The following CAMTA1 variants were observed in gnomAD, a reference collection of about 807,000 sequenced individuals.
The protein encoded by CAMTA1 is calmodulin-binding transcription activator 1.
In CAMTA1, 27 loss-of-function variants were observed where a neutral mutation model predicts 170.9. The observed-to-expected ratio is 0.16, with a 90% CI of 0.12 to 0.22. CAMTA1 has a LOEUF of 0.22. Ranked by LOEUF, CAMTA1 falls within the 10% of genes least tolerant of loss-of-function variation. The pLI is 1.00. For missense variants in CAMTA1, 1,619 were observed against 2,217.2 expected (o/e 0.73, Z 5.42); for synonymous variants, 833 against 891.5 (o/e 0.93, Z 1.17).
chr1:7,564,115 T>C (rs4391687), intron 6 of CAMTA1, among the ~76,000 whole-genome samples: 40,268 of 152,058 alleles, frequency 0.26, 6,374 homozygotes, highest in East Asian at 0.51. Flanking sequence ...GCTAGGCCCA[T>C]TGGGGCTCTC....
chr1:7,101,627 G>A (rs150378942), intron 4 of CAMTA1, among the ~76,000 whole-genome samples: 1 of 152,294 alleles, frequency 6.6e-6, no homozygotes, highest in East Asian at 1.9e-4. Context: ...TTTGCTTTGC[G>A]TTGTGTGTGT....
chr1:6,990,065 C>T (rs1291040356), intron 3 of CAMTA1, among the ~76,000 whole-genome samples: 2 of 152,188 alleles, frequency 1.3e-5, no homozygotes, highest in African/African-American at 4.8e-5. Context: ...TGGCCAACTT[C>T]ATCTGCAGAC....
Position 6,918,566 on chromosome 1 carries a change from A to T in CAMTA1, c.234+93356A>T, listed in dbSNP as rs1015384486. Among the ~76,000 whole-genome samples, 3 of 152,254 alleles carry T rather than the reference A, an allele frequency of 2.0e-5. No homozygotes were observed. The highest frequency in any genetic ancestry group is 7.2e-5 in the African/African-American group (3 of 41,468). ...ATACTGTGGCTTCAAAACGGTATTT[A>T]TCTGGCATTGGGAAACCATCAACGC... is the stretch of plus-strand genomic sequence containing the variant. On this transcript the variant is annotated intron_variant, in intron 3 of 22. Coordinates refer to ENST00000303635, the MANE Select transcript of CAMTA1 (RefSeq NM_015215.4). This position sits in a 1 kb window ranked among gnomAD's most constrained non-coding sequence, Gnocchi z 4.0.
intron 5 of CAMTA1, among the ~76,000 whole-genome samples, chr1:7,319,908 C>T (rs1290184101): frequency 6.6e-6 from 1 of 151,914 alleles, no homozygotes; most frequent in East Asian, 1.9e-4. Flanking sequence ...TATTCTATGG[C>T]TGCCAATACG....
chr1:7,721,368 A>G (rs1012189644), intron 11 of CAMTA1, among the ~76,000 whole-genome samples: 1 of 152,166 alleles, frequency 6.6e-6, no homozygotes, highest in Admixed American at 6.5e-5. Context: ...GAAGGGGAAA[A>G]TCTTTATTTC....
chr1:7,297,452 C>T (rs935361312), intron 5 of CAMTA1, among the ~76,000 whole-genome samples: 3 of 152,230 alleles, frequency 2.0e-5, no homozygotes, highest in Non-Finnish European at 4.4e-5. Context: ...AGCAAGGGTT[C>T]TCTCGTCTGG....
At chr1:6,916,889 G>A (rs955128461) in intron 3 of CAMTA1, among the ~76,000 whole-genome samples, 26 of 152,338 alleles carry the variant, frequency 1.7e-4, no homozygotes, top group African/African-American at 4.8e-4. Flanking sequence ...TGAGCTTGCC[G>A]TGAGCTTCCA....
intron 5 of CAMTA1, among the ~76,000 whole-genome samples, chr1:7,341,773 C>T (rs1200678861): frequency 6.6e-6 from 1 of 152,244 alleles, no homozygotes; most frequent in African/African-American, 2.4e-5. Flanking sequence ...TCTCTCTCCA[C>T]AGAACTCAAA....
At chr1:7,227,673 A>G (rs376494773) in intron 4 of CAMTA1, among the ~76,000 whole-genome samples, 2 of 152,312 alleles carry the variant, frequency 1.3e-5, no homozygotes, top group African/African-American at 2.4e-5. Context: ...GTGTGGGCCA[A>G]TGTTCCTGGG....
intron 5 of CAMTA1, among the ~76,000 whole-genome samples, chr1:7,334,240 A>T (rs1312229456): frequency 1.3e-5 from 2 of 152,204 alleles, no homozygotes; most frequent in South Asian, 2.1e-4. Flanking sequence ...GGGGGAAAAA[A>T]ATCACTCTCC....
rs1261276655 is a variant in CAMTA1, at chr1:7,594,051, GAGAA to G, written c.511-46345_511-46342del. On this transcript the variant is annotated intron_variant, in intron 6 of 22. Coordinates refer to ENST00000303635, the MANE Select transcript of CAMTA1 (RefSeq NM_015215.4). Reference sequence around the variant, plus strand: ...AGTGAGATTCTGTTAAAACAAAAAAGAGAAAGAGAGAGGGAGGGAGGGAGGGACA... The same window carrying G: ...AGTGAGATTCTGTTAAAACAAAAAAGAGAGAGAGGGAGGGAGGGAGGGACA... Among the ~76,000 whole-genome samples the G allele has an allele frequency of 3.0e-5, 4 of 131,616 alleles. No individual in the cohort carries two copies. The East Asian group carries it at 1.1e-3, about 36-fold the overall frequency. The allele number at this position is 131,616 out of a possible 152,430, so 86.3% of individuals were successfully genotyped here.
At chr1:7,186,538 G>A (rs1214385172) in intron 4 of CAMTA1, among the ~76,000 whole-genome samples, 2 of 152,232 alleles carry the variant, frequency 1.3e-5, no homozygotes, top group Non-Finnish European at 2.9e-5. Context: ...CTCCTTTATG[G>A]CAAAAGCCCT....
intron 7 of CAMTA1, among the ~76,000 whole-genome samples, chr1:7,643,317 C>T (rs867308858): frequency 1.3e-5 from 2 of 152,208 alleles, no homozygotes; most frequent in African/African-American, 4.8e-5. Flanking sequence ...GGAGCAGCCC[C>T]AATCCCCTGG....
In CAMTA1 at chr1:6,853,451, A is replaced by G. The variant is rs1054543535; in HGVS notation, c.234+28241A>G. ...GTAATTAACAAATTAATAGAGGGGA[A>G]ATATGGAATAGTAACAGCAGTAGTA... is the stretch of plus-strand genomic sequence containing the variant. On this transcript the variant is annotated intron_variant, in intron 3 of 22. Coordinates refer to ENST00000303635, the MANE Select transcript of CAMTA1 (RefSeq NM_015215.4). Among the ~76,000 whole-genome samples the G allele has an allele frequency of 3.3e-5, 5 of 152,328 alleles. No individual in the cohort carries two copies. The South Asian group carries it at 1.0e-3, about 32-fold the overall frequency.
intron 3 of CAMTA1, among the ~76,000 whole-genome samples, chr1:7,090,184 CA>C: frequency 6.6e-6 from 1 of 152,266 alleles, no homozygotes; most frequent in South Asian, 2.1e-4. Flanking sequence ...TGCATGGCAT[CA>C]GGGGCATTTT....
chr1:7,268,140 A>G (rs1669200318), intron 5 of CAMTA1, among the ~76,000 whole-genome samples: 1 of 152,204 alleles, frequency 6.6e-6, no homozygotes, highest in Non-Finnish European at 1.5e-5. Flanking sequence ...CAGACAGTGC[A>G]TGGGGGTGAG....
intron 6 of CAMTA1, among the ~76,000 whole-genome samples, chr1:7,503,121 C>T (rs1248542572): frequency 1.3e-5 from 2 of 152,134 alleles, no homozygotes; most frequent in African/African-American, 4.8e-5. Flanking sequence ...GCCTGCTGGC[C>T]ACCCCTCTGG....
At position 7,007,156 on chromosome 1, in the gene CAMTA1, G is replaced by C. The variant is rs141647645; in HGVS notation, c.235-84148G>C. ...TTGGTGGGCACCATGCTACCTCTGAGAAGAGAGGTGCTCTGCTGCTGGCTG... is the reference window on the plus strand; with the variant it reads ...TTGGTGGGCACCATGCTACCTCTGACAAGAGAGGTGCTCTGCTGCTGGCTG... On this transcript the variant is annotated intron_variant, in intron 3 of 22. Transcript: ENST00000303635. This position sits in a 1 kb window ranked among gnomAD's most constrained non-coding sequence, Gnocchi z 4.5. Among the ~76,000 whole-genome samples the C allele has an allele frequency of 2.0e-5, 3 of 152,312 alleles. No individual in the cohort carries two copies. In the East Asian group the frequency reaches 5.8e-4, roughly 29 times the overall value.
chr1:7,678,399 G>A (rs2096145961), intron 11 of CAMTA1, among the ~76,000 whole-genome samples: 1 of 152,246 alleles, frequency 6.6e-6, no homozygotes. Context: ...GGACCCCAGT[G>A]GGCTTCAAGG....
Sources: allele counts gnomAD v4.1 joint callset (sites outside exome capture counted in the v4.1 genomes callset), GRCh38; gene constraint gnomAD v4.1.1; non-coding constraint Gnocchi (gnomAD v3.1); transcripts MANE v1.5; gene names NCBI Gene and HGNC (gene_info 2026-07-23, HGNC 2026-07-21).